Variants in SATB1 observed in about 807,000 individuals in gnomAD.
SATB1 encodes SATB homeobox 1.
SATB1 carries 11 observed loss-of-function variants against 86.9 expected under a neutral mutation model. The observed-to-expected ratio is 0.13, with a 90% CI of 0.08 to 0.21. The LOEUF is 0.21. Ranked by LOEUF, SATB1 falls within the 10% of genes least tolerant of loss-of-function variation. The pLI is 1.00. For synonymous variants in SATB1, 357 were observed against 357.2 expected, an observed-to-expected ratio of 1.00 and a Z score of 0.01; for missense variants, 551 against 937.6, an observed-to-expected ratio of 0.59 and a Z score of 5.39.
chr3:18,351,251 C>T, intron 10 of SATB1: 1 of 1,362,620 alleles, frequency 7.3e-7, no homozygotes, highest in African/African-American at 1.4e-5. Flanking sequence ...ACCTGGGGAG[C>T]AGGTCTTTAG....
At chr3:18,390,594 C>T (rs1372848511) in intron 7 of SATB1, among the ~76,000 whole-genome samples, 1 of 152,068 alleles carries the variant, frequency 6.6e-6, no homozygotes, top group African/African-American at 2.4e-5. Flanking sequence ...AACACAGTAG[C>T]AATTTCTGTT....
chr3:18,363,382 G>A (rs1268300173), intron 9 of SATB1, among the ~76,000 whole-genome samples: 1 of 152,132 alleles, frequency 6.6e-6, no homozygotes, highest in Non-Finnish European at 1.5e-5. Context: ...CATTAAAAAA[G>A]GCAAGCATAA....
At chr3:18,350,410 TAC>T (rs1361572112) in intron 10 of SATB1, 7 of 152,434 alleles carry the variant, frequency 4.6e-5, no homozygotes, top group Middle Eastern at 3.4e-3. Flanking sequence ...ATTTAGTGTA[TAC>T]AGACACTTTT....
intron 2 of SATB1, chr3:18,417,779 A>AT (rs1187330545): frequency 9.5e-6 from 6 of 628,744 alleles, no homozygotes; most frequent in Non-Finnish European, 1.4e-5. Flanking sequence ...CACGGTACCC[A>AT]TAAGTCTTTA....
chr3:18,409,622 T>A (rs1234774838), intron 5 of SATB1: 3 of 152,068 alleles, frequency 2.0e-5, no homozygotes, highest in African/African-American at 7.2e-5. Flanking sequence ...TAGTATCAAG[T>A]ACTTCAGTGC....
intron 9 of SATB1, among the ~76,000 whole-genome samples, chr3:18,372,299 A>G (rs1473375686): frequency 1.3e-5 from 2 of 152,234 alleles, no homozygotes; most frequent in East Asian, 1.9e-4. Flanking sequence ...GACATCTTCT[A>G]AAGATGCAGA....
At chr3:18,399,549 TTTA>T (rs1288509998) in intron 5 of SATB1, among the ~76,000 whole-genome samples, 14 of 152,306 alleles carry the variant, frequency 9.2e-5, no homozygotes, top group African/African-American at 3.1e-4. Context: ...TGCTATACAG[TTTA>T]TTATTATTCG....
At chr3:18,368,289 A>C (rs1258056664) in intron 9 of SATB1, among the ~76,000 whole-genome samples, 1 of 152,234 alleles carries the variant, frequency 6.6e-6, no homozygotes, top group Non-Finnish European at 1.5e-5. Flanking sequence ...AGGTAGATTA[A>C]GATGGGAGAA....
At chr3:18,371,911 T>C (rs1274005215) in intron 9 of SATB1, among the ~76,000 whole-genome samples, 2 of 152,220 alleles carry the variant, frequency 1.3e-5, no homozygotes, top group African/African-American at 4.8e-5. Flanking sequence ...TTAATTCCTG[T>C]TAGGAGTGAA....
At chr3:18,410,772 A>G (rs1160266186) in intron 5 of SATB1, 5 of 299,116 alleles carry the variant, frequency 1.7e-5, no homozygotes, top group African/African-American at 1.1e-4. Context: ...TTAAAATTTT[A>G]AGAAACATGT....
chr3:18,417,492 T>C, intron 2 of SATB1: 1 of 601,644 alleles, frequency 1.7e-6, no homozygotes, highest in Non-Finnish European at 2.9e-6. Flanking sequence ...TTTCTACTGC[T>C]TACATGATTT....
Position 18,351,194 on chromosome 3 carries a change from T to C in SATB1, c.1779+798A>G. 4 of 790,850 alleles carry C rather than the reference T, an allele frequency of 5.1e-6. No individual in the cohort carries two copies. In the South Asian group the frequency reaches 5.8e-5, roughly 12 times the overall value. 49.0% of individuals were successfully genotyped at this position (790,850 alleles called of 1,614,324 possible). A position where few individuals can be genotyped will look rare whatever the true frequency, so the allele number is the denominator to read the frequency against. ...CTGCATCTGCTGGCACAGTGAGCTC[T>C]GCCCAAGACCATGGTTAGTAGGGCC... On this transcript the variant is annotated intron_variant, in intron 10 of 10. Transcript: ENST00000338745.
chr3:18,426,667 T>G (rs1029313112), upstream of SATB1, among the ~76,000 whole-genome samples: 3 of 152,166 alleles, frequency 2.0e-5, no homozygotes, highest in African/African-American at 7.2e-5. The surrounding 1 kb of genome is among the most constrained non-coding windows in gnomAD (Gnocchi z 4.2). Context: ...AGTTAATCAT[T>G]AACAAAAAAC....
chr3:18,433,699 T>G (rs1157160903), intron 2 of SATB1, among the ~76,000 whole-genome samples: 2 of 152,100 alleles, frequency 1.3e-5, no homozygotes, highest in Admixed American at 6.6e-5. Flanking sequence ...ATTTATTATG[T>G]GTAAAAGCAT....
intron 9 of SATB1, among the ~76,000 whole-genome samples, chr3:18,355,191 G>A (rs1038037065): frequency 4.0e-5 from 6 of 151,830 alleles, no homozygotes; most frequent in African/African-American, 7.3e-5. Context: ...CTCTTGATGC[G>A]CATTGCTCTT....
At chr3:18,435,077 G>A (rs1699015758) in intron 2 of SATB1, 2 of 152,140 alleles carry the variant, frequency 1.3e-5, no homozygotes, top group South Asian at 4.1e-4. Flanking sequence ...TATTTTAAAT[G>A]AAAAATTACA....
At chr3:18,434,012 A>G (rs960808214) in intron 2 of SATB1, among the ~76,000 whole-genome samples, 7 of 152,108 alleles carry the variant, frequency 4.6e-5, no homozygotes, top group African/African-American at 1.7e-4. Flanking sequence ...TTGAGAGAGA[A>G]ACAAATAGCA....
At chr3:18,412,682 T>A (rs1251061635) in intron 5 of SATB1, among the ~76,000 whole-genome samples, 1 of 152,080 alleles carries the variant, frequency 6.6e-6, no homozygotes, top group Non-Finnish European at 1.5e-5. Context: ...TTTTTCACCA[T>A]GACATCTTCA....
At chr3:18,426,614 T>C (rs1331689171), upstream of SATB1, among the ~76,000 whole-genome samples, 1 of 152,230 alleles carries the variant, frequency 6.6e-6, no homozygotes. The surrounding 1 kb of genome is among the most constrained non-coding windows in gnomAD (Gnocchi z 4.2). Flanking sequence ...ATGCCTCATT[T>C]ATCGCTTAGG....
Sources: allele counts gnomAD v4.1 joint callset (sites outside exome capture counted in the v4.1 genomes callset), GRCh38; gene constraint gnomAD v4.1.1; non-coding constraint Gnocchi (gnomAD v3.1); transcripts MANE v1.5; gene names NCBI Gene and HGNC (gene_info 2026-07-23, HGNC 2026-07-21).